SEPTIN7: variants seen among roughly 807,000 people sequenced by gnomAD.
SEPTIN7 encodes the protein septin-7.
In SEPTIN7, 10 loss-of-function variants were observed where a neutral mutation model predicts 63.3. That is an observed-to-expected ratio of 0.16 (90% CI 0.10 to 0.27). SEPTIN7 has a LOEUF of 0.27. SEPTIN7 is among the 10% of genes least tolerant of loss of function. The pLI is 1.00. For synonymous variants in SEPTIN7, 131 were observed against 165.3 expected, an observed-to-expected ratio of 0.79 and a Z score of 1.59; for missense variants, 310 against 521.0, an observed-to-expected ratio of 0.59 and a Z score of 3.94.
intron 11 of SEPTIN7, among the ~76,000 whole-genome samples, chr7:35,893,541 A>C (rs145652636): frequency 6.6e-6 from 1 of 152,236 alleles, no homozygotes; most frequent in African/African-American, 2.4e-5. Context: ...AGGTTATACT[A>C]TCTAAGGTTG....
At chr7:35,857,210 G>C (rs1354784119) in intron 3 of SEPTIN7, among the ~76,000 whole-genome samples, 3 of 152,128 alleles carry the variant, frequency 2.0e-5, no homozygotes, top group Non-Finnish European at 4.4e-5. Flanking sequence ...ACAACTAACA[G>C]AAATAACTCA....
At chr7:35,839,687 G>T (rs1332242247) in intron 3 of SEPTIN7, among the ~76,000 whole-genome samples, 1 of 152,124 alleles carries the variant, frequency 6.6e-6, no homozygotes, top group Admixed American at 6.5e-5. Context: ...CAGTAGCTGG[G>T]ATTATAGGCG....
At position 35,873,749 on chromosome 7, in the gene SEPTIN7, A is replaced by C; in HGVS notation, c.486A>C (p.Leu162Phe). The stretch of plus-strand genomic sequence containing the variant: ...CTGATAACAGGGTGCAGTGTTGTTT[A>C]TACTTCATTGCTCCTTCAGGACATG... The part of the protein sequence containing the change: ...QMPDNRVQCC[L>F]YFIAPSGHGL... The change falls in exon 6 of 14, where the codon TTA becomes TTC. Residue 162 changes from leucine to phenylalanine, a missense_variant. Leu to Phe is a conservative substitution (Grantham distance 22). Around this residue, in one of 2 missense-constraint regions of SEPTIN7, gnomAD observed 255 missense variants for 490.5 expected, o/e 0.52. Coordinates refer to ENST00000350320, the MANE Select transcript of SEPTIN7 (RefSeq NM_001788.6). 6.2e-7 allele frequency: 1 copy of C among 1,610,662 alleles called. No individual in the cohort carries two copies. Among genetic ancestry groups the C allele is most frequent in the African/African-American group, 1.3e-5 (1 of 74,924 alleles).
At chr7:35,889,834 G>A (rs551623621) in intron 10 of SEPTIN7, among the ~76,000 whole-genome samples, 5 of 152,260 alleles carry the variant, frequency 3.3e-5, no homozygotes, top group South Asian at 2.1e-4. Context: ...GTGAGCCAGC[G>A]TGCCCAGCCA....
At chr7:35,915,629 G>A in the SEPTIN7 span, among the ~76,000 whole-genome samples, 1 of 152,084 alleles carries the variant, frequency 6.6e-6, no homozygotes, top group African/African-American at 2.4e-5. Context: ...AACTCATTTT[G>A]TTTGCTCTCC....
chr7:35,912,894 G>A, the SEPTIN7 span, among the ~76,000 whole-genome samples: 1 of 152,152 alleles, frequency 6.6e-6, no homozygotes, highest in Non-Finnish European at 1.5e-5. Flanking sequence ...ACCCAGCTGG[G>A]CATATAATAA....
chr7:35,837,038 GA>G (rs1420946363), intron 3 of SEPTIN7, among the ~76,000 whole-genome samples: 1 of 152,020 alleles, frequency 6.6e-6, no homozygotes, highest in East Asian at 1.9e-4. Context: ...AATTCAAAAA[GA>G]AAGTTTAGAA....
intron 13 of SEPTIN7, among the ~76,000 whole-genome samples, 181 bp downstream of exon 13, chr7:35,903,396 A>C (rs1207844752): frequency 2.1e-5 from 1 of 47,392 alleles, no homozygotes; most frequent in African/African-American, 3.4e-5. Context: ...TGTGTCCATT[A>C]GCAGTATTTT....
chr7:35,860,922 C>CA (rs1785469564), intron 3 of SEPTIN7, among the ~76,000 whole-genome samples: 1 of 152,138 alleles, frequency 6.6e-6, no homozygotes, highest in Non-Finnish European at 1.5e-5. Context: ...AATCTCTGTT[C>CA]ATTTCTCTTC....
intron 12 of SEPTIN7, chr7:35,900,042 T>G (rs187768088): frequency 6.6e-6 from 1 of 152,222 alleles, no homozygotes; most frequent in African/African-American, 2.4e-5. Flanking sequence ...GTTATATTCT[T>G]ACAGTTGATC....
intron 3 of SEPTIN7, among the ~76,000 whole-genome samples, chr7:35,858,282 C>G (rs1285041864): frequency 6.6e-6 from 1 of 152,000 alleles, no homozygotes; most frequent in African/African-American, 2.4e-5. Context: ...TTGAGTCTCT[C>G]TCTTTTATTC....
At chr7:35,814,487 G>T (rs1432843068) in intron 1 of SEPTIN7, among the ~76,000 whole-genome samples, 4 of 151,772 alleles carry the variant, frequency 2.6e-5, no homozygotes, top group South Asian at 4.1e-4. Context: ...AATTGTAAGG[G>T]TTTTTTTAAT....
At chr7:35,805,133 C>G (rs763491564) in intron 1 of SEPTIN7, among the ~76,000 whole-genome samples, 16 of 152,142 alleles carry the variant, frequency 1.1e-4, no homozygotes, top group Admixed American at 1.0e-3. Context: ...CCTCCTGCCT[C>G]GGCCTCCCAA....
At chr7:35,890,359 T>C (rs1452550078) in intron 10 of SEPTIN7, among the ~76,000 whole-genome samples, 2 of 152,130 alleles carry the variant, frequency 1.3e-5, no homozygotes, top group Non-Finnish European at 2.9e-5. Flanking sequence ...GTCTAGTATT[T>C]AAATAGATAA....
intron 11 of SEPTIN7, among the ~76,000 whole-genome samples, chr7:35,893,646 T>C (rs1787784350): frequency 6.6e-6 from 1 of 152,168 alleles, no homozygotes; most frequent in African/African-American, 2.4e-5. Context: ...CAATTTATCT[T>C]ATATTTAATT....
intron 1 of SEPTIN7, among the ~76,000 whole-genome samples, chr7:35,823,604 T>C (rs527238322): frequency 6.6e-6 from 1 of 152,364 alleles, no homozygotes; most frequent in South Asian, 2.1e-4. Flanking sequence ...TCTCTTGGTC[T>C]TGTACTTTTG....
intron 1 of SEPTIN7, among the ~76,000 whole-genome samples, chr7:35,825,240 TC>T (rs965865991): frequency 6.6e-6 from 1 of 152,182 alleles, no homozygotes; most frequent in Non-Finnish European, 1.5e-5. Flanking sequence ...TCCTAAGCTT[TC>T]AAGATGAAGT....
intron 1 of SEPTIN7, among the ~76,000 whole-genome samples, chr7:35,808,909 T>C (rs949931592): frequency 6.6e-6 from 1 of 152,204 alleles, no homozygotes; most frequent in Non-Finnish European, 1.5e-5. Flanking sequence ...CTTGGGATAT[T>C]GATCTCTTCA....
chr7:35,813,266 T>C (rs1363706009), intron 1 of SEPTIN7, among the ~76,000 whole-genome samples: 2 of 152,098 alleles, frequency 1.3e-5, no homozygotes, highest in East Asian at 3.8e-4. Context: ...TACTGCCTTA[T>C]GAATCTTTTA....
Sources: allele counts gnomAD v4.1 joint callset (sites outside exome capture counted in the v4.1 genomes callset), GRCh38; gene constraint gnomAD v4.1.1; regional missense constraint gnomAD v4.1.1; transcripts MANE v1.5; gene names NCBI Gene and HGNC (gene_info 2026-07-23, HGNC 2026-07-21).